PIN4: variants seen among roughly 807,000 people sequenced by gnomAD.
The protein encoded by PIN4 is peptidylprolyl cis/trans isomerase, NIMA-interacting 4, also known as peptidyl-prolyl cis-trans isomerase NIMA-interacting 4.
A neutral mutation model predicts 8.3 loss-of-function variants in PIN4; 3 were observed. The ratio of observed to expected loss-of-function variants is 0.36; its 90% CI spans 0.16 to 0.93. The LOEUF (loss-of-function observed/expected upper bound fraction) is 0.93. Ranked by LOEUF, PIN4 falls within the 40% of genes least tolerant of loss-of-function variation. The pLI is 0.44. For synonymous variants in PIN4, 18 were observed against 32.5 expected (o/e 0.55, Z 1.52); for missense variants, 75 against 100.6 (o/e 0.75, Z 1.09).
At chrX:72,248,291 GAAAAAAAAAAAAAAA>G (rs55908553) in intron 3 of PIN4, among the ~76,000 whole-genome samples, 30 of 54,895 alleles carry the variant, frequency 5.5e-4, no homozygotes, top group Admixed American at 4.6e-4. Flanking sequence ...GCTCCATCCA[GAAAAAAAAAAAAAAA>G]AAAAAAAAAA....
At chrX:72,262,563 T>G (rs1365762248) in intron 3 of PIN4, 9 of 389,309 alleles carry the variant, frequency 2.3e-5, no homozygotes, top group Non-Finnish European at 4.0e-5. Flanking sequence ...CACTTAATGA[T>G]GATCAGACAC....
intron 3 of PIN4, among the ~76,000 whole-genome samples, chrX:72,231,351 C>CGGGG (rs2042982247): frequency 9.0e-6 from 1 of 111,131 alleles, no homozygotes; most frequent in South Asian, 3.8e-4. Context: ...CTCGCTTATA[C>CGGGG]ATGGAATCTA....
At chrX:72,238,948 TTTGGAGCTTGGAGC>T (rs749542997) in intron 3 of PIN4, 341 of 1,113,289 alleles carry the variant, frequency 3.1e-4, no homozygotes, top group Middle Eastern at 9.5e-4. Context: ...CCGGCGGGAG[TTTGGAGCTTGGAGC>T]TTGGAGCTTG....
chrX:72,239,923 A>T (rs116266944), intron 3 of PIN4, among the ~76,000 whole-genome samples: 12,030 of 108,128 alleles, frequency 0.11, 958 homozygotes, highest in East Asian at 0.47. Context: ...TTTAAAAAAA[A>T]TTTTTTTCTT....
rs985008342 is a variant in PIN4 at position 72,224,388 on chromosome X, A to T, written c.312+27484A>T. On this transcript the variant is annotated intron_variant, in intron 3 of 3. Coordinates refer to the PIN4 transcript ENST00000423432. ...GGGGAATCATTCATTCATCGGCCCT[A>T]CATCAAAGCCACCCTTACTTATTAT... Among the ~76,000 whole-genome samples the T allele has an allele frequency of 2.7e-5, 3 of 111,269 alleles. No homozygotes were observed. The Admixed American group carries it at 2.9e-4, about 11-fold the overall frequency.
intron 3 of PIN4, among the ~76,000 whole-genome samples, chrX:72,241,832 T>C (rs1283764609): frequency 2.8e-5 from 3 of 106,979 alleles, no homozygotes; most frequent in African/African-American, 6.9e-5. Context: ...AAAAAAAATA[T>C]GAGTTTGAGT....
intron 3 of PIN4, chrX:72,207,249 G>A (rs1037136790): frequency 4.5e-5 from 55 of 1,209,847 alleles, no homozygotes; most frequent in Non-Finnish European, 5.8e-5. Context: ...CTGTCCCATC[G>A]ATTCGCAATG....
chrX:72,205,916 A>G (rs2042816239), intron 3 of PIN4: 1 of 1,211,132 alleles, frequency 8.3e-7, no homozygotes, highest in Non-Finnish European at 1.1e-6. Context: ...TTGAAATCAC[A>G]TGCATACTGT....
intron 3 of PIN4, among the ~76,000 whole-genome samples, chrX:72,260,205 T>G (rs1290769363): frequency 8.9e-6 from 1 of 112,307 alleles, no homozygotes; most frequent in Non-Finnish European, 1.9e-5. Flanking sequence ...CAGCCCCAAG[T>G]CTTCATCCTA....
chrX:72,201,110 G>A (rs761085796), downstream of PIN4, among the ~76,000 whole-genome samples: 38 of 111,135 alleles, frequency 3.4e-4, no homozygotes, highest in Non-Finnish European at 5.7e-4. Flanking sequence ...GGCTGAGGCA[G>A]GAGGGTTGCT....
chrX:72,261,941 CCTT>C (rs1569493675), intron 3 of PIN4, among the ~76,000 whole-genome samples: 1 of 110,268 alleles, frequency 9.1e-6, no homozygotes, highest in Non-Finnish European at 1.9e-5. Context: ...CCTGGAAAGT[CCTT>C]CTCTCCCCAT....
At chrX:72,185,324 C>T (rs2042697416) in intron 1 of PIN4, among the ~76,000 whole-genome samples, 1 of 109,814 alleles carries the variant, frequency 9.1e-6, no homozygotes, top group Non-Finnish European at 1.9e-5. Context: ...CAATTTCTTA[C>T]ACATACCATG....
chrX:72,238,983 C>G (rs1179892447), intron 3 of PIN4: 2 of 1,025,354 alleles, frequency 2.0e-6, no homozygotes, highest in African/African-American at 1.9e-5. Context: ...GAGCTTGGAG[C>G]TTAGAGTTTG....
At chrX:72,249,835 C>T (rs1386141583) in intron 3 of PIN4, among the ~76,000 whole-genome samples, 1 of 111,198 alleles carries the variant, frequency 9.0e-6, no homozygotes, top group South Asian at 3.8e-4. Flanking sequence ...ACACAAGCAC[C>T]CACAATATCA....
Position 72,194,150 on chromosome X carries a change from A to C in PIN4, c.118-2635A>C, listed in dbSNP as rs145872901. Among the ~76,000 whole-genome samples, 386 of 111,746 alleles carry C rather than the reference A, an allele frequency of 3.5e-3. 5 individuals carry two copies. Among genetic ancestry groups the C allele is most frequent in the African/African-American group, 0.012 (370 of 30,641 alleles). Reference sequence around the variant, plus strand: ...TGCGGTGGCTCATGCCTGTAATGCCAGCACTTTGGGAGGTCAAGGCGGGTG... The same window carrying C: ...TGCGGTGGCTCATGCCTGTAATGCCCGCACTTTGGGAGGTCAAGGCGGGTG... On this transcript the variant is annotated intron_variant, in intron 2 of 3. Transcript: ENST00000373669.
chrX:72,190,968 A>T (rs1159665576), intron 2 of PIN4, among the ~76,000 whole-genome samples: 11 of 105,662 alleles, frequency 1.0e-4, no homozygotes, highest in Non-Finnish European at 1.9e-4. Flanking sequence ...AAAAAAAAAA[A>T]GCTCCCCAGA....
At chrX:72,257,383 T>C (rs1418489239) in intron 3 of PIN4, among the ~76,000 whole-genome samples, 1 of 110,209 alleles carries the variant, frequency 9.1e-6, no homozygotes, top group African/African-American at 3.3e-5. Context: ...ACAGAATCCC[T>C]CTGGCTTCTG....
At chrX:72,185,335 T>C (rs1052177099) in intron 1 of PIN4, among the ~76,000 whole-genome samples, 4 of 109,517 alleles carry the variant, frequency 3.7e-5, no homozygotes, top group Non-Finnish European at 7.6e-5. Flanking sequence ...ACATACCATG[T>C]CGTTTCCCCC....
At chrX:72,252,440 G>A (rs1273061852) in intron 3 of PIN4, among the ~76,000 whole-genome samples, 1 of 109,713 alleles carries the variant, frequency 9.1e-6, no homozygotes, top group Non-Finnish European at 1.9e-5. Context: ...CTGAAGTGCA[G>A]TTGTGCAATC....
Sources: allele counts gnomAD v4.1 joint callset (sites outside exome capture counted in the v4.1 genomes callset), GRCh38; gene constraint gnomAD v4.1.1; transcripts MANE v1.5; gene names NCBI Gene and HGNC (gene_info 2026-07-23, HGNC 2026-07-21).